DTWD2: variants seen among roughly 807,000 people sequenced by gnomAD.
DTWD2 encodes the protein DTW motif tRNA-uridine aminocarboxypropyltransferase 2, also known as tRNA-uridine aminocarboxypropyltransferase 2.
Under a neutral mutation model 31.8 loss-of-function variants are expected in DTWD2, and 39 were observed. The observed-to-expected ratio is 1.22, with a 90% CI of 0.95 to 1.60. The LOEUF (loss-of-function observed/expected upper bound fraction) is 1.60. Ranked by LOEUF, DTWD2 falls within the 40% of genes most tolerant of loss-of-function variation. DTWD2 has a pLI of 0.00. For synonymous variants in DTWD2, 180 were observed against 142.8 expected (o/e 1.26, Z -1.86); for missense variants, 515 against 381.5 (o/e 1.35, Z -2.92).
chr5:118,900,933 A>AG lies in DTWD2; in HGVS notation c.597+27603_597+27604insC, dbSNP rs1429415480. On this transcript the variant is annotated intron_variant, in intron 4 of 5. Transcript: ENST00000510708. Reference sequence around the variant, plus strand: ...GAGTGAGACTGCGTCTCAAAAAAAAAAAAAAAGAAAAAATGACTCAAAATC... The same window carrying AG: ...GAGTGAGACTGCGTCTCAAAAAAAAAGAAAAAAGAAAAAATGACTCAAAATC... Among the ~76,000 whole-genome samples, 5 of 151,666 alleles carry AG rather than the reference A, an allele frequency of 3.3e-5. No homozygotes were observed. In the East Asian group the frequency reaches 7.7e-4, roughly 23 times the overall value.
At chr5:118,846,723 C>T (rs1236456973) in intron 5 of DTWD2, among the ~76,000 whole-genome samples, 1 of 152,018 alleles carries the variant, frequency 6.6e-6, no homozygotes, top group African/African-American at 2.4e-5. Flanking sequence ...CAGAAAGACA[C>T]ATATGGGGTA....
At chr5:118,953,525 T>C (rs1159221773) in intron 1 of DTWD2, among the ~76,000 whole-genome samples, 2 of 152,194 alleles carry the variant, frequency 1.3e-5, no homozygotes, top group Non-Finnish European at 2.9e-5. Context: ...CAACACTGTA[T>C]GTGATTTAAA....
chr5:118,956,939 T>A, intron 1 of DTWD2, among the ~76,000 whole-genome samples: 1 of 152,140 alleles, frequency 6.6e-6, no homozygotes, highest in Non-Finnish European at 1.5e-5. Flanking sequence ...CCCTCTGCTG[T>A]CATTTTAAAG....
At chr5:118,941,262 G>C (rs1277766549) in intron 2 of DTWD2, among the ~76,000 whole-genome samples, 1 of 152,012 alleles carries the variant, frequency 6.6e-6, no homozygotes, top group Non-Finnish European at 1.5e-5. Context: ...GTGCCATGTT[G>C]GTGTGCTGCA....
At chr5:118,978,305 G>A (rs531174654) in intron 1 of DTWD2, among the ~76,000 whole-genome samples, 56 of 152,274 alleles carry the variant, frequency 3.7e-4, no homozygotes, top group African/African-American at 1.3e-3. Context: ...CATTCAGGAC[G>A]TTGGCACGGG....
At chr5:118,952,357 G>A (rs1421567485) in intron 1 of DTWD2, among the ~76,000 whole-genome samples, 1 of 152,200 alleles carries the variant, frequency 6.6e-6, no homozygotes, top group Non-Finnish European at 1.5e-5. Context: ...TCACCTGGGT[G>A]CAGGCAGGCT....
intron 4 of DTWD2, among the ~76,000 whole-genome samples, chr5:118,914,691 C>A (rs1243912226): frequency 6.6e-6 from 1 of 152,136 alleles, no homozygotes; most frequent in Non-Finnish European, 1.5e-5. Context: ...AAGATAACAG[C>A]TGCACTCCAG....
At chr5:118,983,923 G>A (rs553940260) in intron 1 of DTWD2, among the ~76,000 whole-genome samples, 1 of 152,330 alleles carries the variant, frequency 6.6e-6, no homozygotes, top group South Asian at 2.1e-4. Context: ...GCTGAAGCAG[G>A]CGGCTCACCT....
chr5:118,988,011 C>A (rs1347306327), intron 1 of DTWD2: 2 of 685,634 alleles, frequency 2.9e-6, no homozygotes, highest in Non-Finnish European at 5.3e-6. Context: ...CCTTACTTCC[C>A]CTATTGGACG....
At chr5:118,967,903 C>T (rs1338358876) in intron 1 of DTWD2, among the ~76,000 whole-genome samples, 2 of 151,942 alleles carry the variant, frequency 1.3e-5, no homozygotes, top group African/African-American at 4.8e-5. Context: ...AAATTCCTCC[C>T]CAAGATATTT....
chr5:118,915,981 AAAC>A (rs1281676771), intron 4 of DTWD2, among the ~76,000 whole-genome samples: 1 of 152,252 alleles, frequency 6.6e-6, no homozygotes, highest in African/African-American at 2.4e-5. Context: ...GAAGTTGGAT[AAAC>A]AACAAAAGGG....
At chr5:118,879,136 G>C (rs1012909029) in intron 4 of DTWD2, among the ~76,000 whole-genome samples, 1 of 152,092 alleles carries the variant, frequency 6.6e-6, no homozygotes, top group Admixed American at 6.5e-5. Context: ...CCCATTACTG[G>C]CTATATACCC....
At chr5:118,851,136 T>G (rs73236931) in intron 4 of DTWD2, among the ~76,000 whole-genome samples, 1 of 150,320 alleles carries the variant, frequency 6.7e-6, no homozygotes, top group African/African-American at 2.5e-5. Context: ...GGAGAATCAC[T>G]TGAACCTGAG....
chr5:118,857,972 G>T (rs540835146), intron 4 of DTWD2, among the ~76,000 whole-genome samples: 40 of 152,298 alleles, frequency 2.6e-4, no homozygotes, highest in African/African-American at 9.6e-4. Context: ...AAGCAGAACA[G>T]AATTGAATCT....
intron 4 of DTWD2, among the ~76,000 whole-genome samples, chr5:118,890,631 C>T (rs1752958892): frequency 1.6e-5 from 2 of 123,348 alleles, no homozygotes. Context: ...AGTGCAGTGG[C>T]ACAATCTTGG....
chr5:118,982,451 T>C lies in DTWD2; in HGVS notation c.218+5843A>G, dbSNP rs190608892. On this transcript the variant is annotated intron_variant, in intron 1 of 5. Coordinates refer to ENST00000510708, the MANE Select transcript of DTWD2 (RefSeq NM_173666.4). Reference sequence around the variant, plus strand: ...CATTGCTTAACTTTGGACATACAATTAGCCTGCACAATGATTTGTAAATCA... The same window carrying C: ...CATTGCTTAACTTTGGACATACAATCAGCCTGCACAATGATTTGTAAATCA... Among the ~76,000 whole-genome samples, 63 of 152,286 alleles carry C rather than the reference T, an allele frequency of 4.1e-4. 2 individuals carry two copies. The highest frequency in any genetic ancestry group is 3.7e-3 in the Admixed American group (57 of 15,296).
chr5:118,940,596 T>G (rs1010715057), intron 2 of DTWD2, among the ~76,000 whole-genome samples: 2 of 152,178 alleles, frequency 1.3e-5, no homozygotes, highest in African/African-American at 4.8e-5. Flanking sequence ...CTACCAATTA[T>G]CATCATCATA....
chr5:118,946,567 T>G (rs1164486154), intron 1 of DTWD2, among the ~76,000 whole-genome samples: 1 of 152,098 alleles, frequency 6.6e-6, no homozygotes, highest in Admixed American at 6.5e-5. Context: ...AAGAACCAAG[T>G]AAAAACATGT....
At chr5:118,899,994 G>T (rs558398677) in intron 4 of DTWD2, among the ~76,000 whole-genome samples, 1 of 151,770 alleles carries the variant, frequency 6.6e-6, no homozygotes, top group Non-Finnish European at 1.5e-5. Flanking sequence ...GTAGAGAGGG[G>T]ATTTCACTAT....
Sources: gnomAD v4.1 joint callset for allele counts (sites outside exome capture counted in the v4.1 genomes callset) on GRCh38, gnomAD v4.1.1 for gene constraint, MANE v1.5 for transcripts, NCBI Gene and HGNC (gene_info 2026-07-23, HGNC 2026-07-21) for gene names.